GALNT9: variants seen among roughly 807,000 people sequenced by gnomAD.
GALNT9 encodes polypeptide N-acetylgalactosaminyltransferase 9, also known as GalNAc transferase 9.
GALNT9 carries 47 observed loss-of-function variants against 63.1 expected under a neutral mutation model. That is an observed-to-expected ratio of 0.75 (90% confidence interval 0.59 to 0.95). GALNT9 has a LOEUF of 0.95. GALNT9 is among the 40% of genes least tolerant of loss of function. The pLI is 0.00. For missense variants in GALNT9, 829 were observed against 874.8 expected, an observed-to-expected ratio of 0.95 and a Z score of 0.66; for synonymous variants, 396 against 365.7, an observed-to-expected ratio of 1.08 and a Z score of -0.94.
chr12:132,273,861 G>C (rs537560916), intron 2 of GALNT9: 18 of 152,410 alleles, frequency 1.2e-4, no homozygotes, highest in Non-Finnish European at 2.5e-4. Flanking sequence ...GCCCCTCCCA[G>C]GGCCTTGGAG....
chr12:132,233,219 G>C (rs1489468929), intron 6 of GALNT9, among the ~76,000 whole-genome samples: 3 of 22,996 alleles, frequency 1.3e-4, no homozygotes, highest in Admixed American at 4.6e-4. Flanking sequence ...GGAGTCCCTA[G>C]TGCCACACAC....
chr12:132,271,342 G>A (rs1261183943), intron 2 of GALNT9, among the ~76,000 whole-genome samples: 6 of 151,978 alleles, frequency 3.9e-5, no homozygotes, highest in African/African-American at 7.2e-5. Context: ...GCTCCCACCC[G>A]TCACTCTGCC....
intron 2 of GALNT9, among the ~76,000 whole-genome samples, chr12:132,269,375 C>T (rs1472911895): frequency 6.6e-5 from 10 of 152,222 alleles, no homozygotes; most frequent in East Asian, 1.9e-4. Context: ...TTCCGAGGAG[C>T]GGGACCGCCA....
chr12:132,307,036 A>G (rs1048891215), intron 1 of GALNT9, among the ~76,000 whole-genome samples: 6 of 151,866 alleles, frequency 4.0e-5, no homozygotes, highest in African/African-American at 1.5e-4. Flanking sequence ...CTGGGCTGTG[A>G]GGGGACCTGT....
chr12:132,227,767 C>T (rs1011422374), intron 6 of GALNT9, among the ~76,000 whole-genome samples: 6 of 152,048 alleles, frequency 3.9e-5, no homozygotes, highest in African/African-American at 1.2e-4. Context: ...GCTCAGGGTA[C>T]GGAGGCAGCC....
Position 132,310,988 on chromosome 12 carries a change from G to A in GALNT9, c.238+17978C>T, listed in dbSNP as rs782104528. On this transcript the variant is annotated intron_variant, in intron 1 of 10. Transcript: ENST00000328957. This position sits in a 1 kb window ranked among gnomAD's most constrained non-coding sequence, Gnocchi z 4.8. ...CGCTGGCAGCCCAAGACAGGGACTC[G>A]GCCGCAGCTAAAGTTTCCCATAATT... 2.0e-5 allele frequency among the ~76,000 whole-genome samples: 3 copies of A among 152,210 alleles called. No homozygotes were observed. The highest frequency in any genetic ancestry group is 1.9e-4 in the East Asian group (1 of 5,200).
chr12:132,318,809 T>C (rs1555245900), intron 1 of GALNT9, among the ~76,000 whole-genome samples: 1 of 152,230 alleles, frequency 6.6e-6, no homozygotes, highest in Non-Finnish European at 1.5e-5. Context: ...GCCCTGCTCC[T>C]GCCCCAGCCC....
In GALNT9 at chr12:132,196,723, G is replaced by GA. The variant is rs1875528976; in HGVS notation, c.*383dup. On this transcript the variant is annotated 3_prime_UTR_variant, in exon 11 of 11. Coordinates refer to ENST00000328957, the MANE Select transcript of GALNT9 (RefSeq NM_001122636.2). ...TTGGAGCATGGGAGGCCTGCGGGTG[G>GA]AAGACACCAGGGTGCAGCCTGGTGC... The GA allele has an allele frequency of 9.9e-7, 1 of 1,012,412 alleles. No individual in the cohort carries two copies. Among genetic ancestry groups the GA allele is most frequent in the Admixed American group, 5.6e-5 (1 of 17,898 alleles). The allele number at this position is 1,012,412 out of a possible 1,614,324, so 62.7% of individuals were successfully genotyped here.
intron 5 of GALNT9, among the ~76,000 whole-genome samples, chr12:132,248,275 C>G (rs1565999211): frequency 6.6e-6 from 1 of 152,222 alleles, no homozygotes; most frequent in African/African-American, 2.4e-5. Context: ...CAACAGATGA[C>G]AGAACCCGCA....
At chr12:132,202,462 G>A (rs143285408) in intron 7 of GALNT9, among the ~76,000 whole-genome samples, 253 of 152,340 alleles carry the variant, frequency 1.7e-3, no homozygotes, top group African/African-American at 5.5e-3. Flanking sequence ...ACTTCAGGCC[G>A]TGTCACCCAC....
rs1366620116 is a variant in GALNT9 at position 132,252,852 on chromosome 12, C to T, written c.960-4825G>A. 6.6e-6 allele frequency among the ~76,000 whole-genome samples: 1 copy of T among 151,476 alleles called. No homozygotes were observed. The highest frequency in any genetic ancestry group is 1.5e-5 in the Non-Finnish European group (1 of 67,902). On this transcript the variant is annotated intron_variant, in intron 5 of 10. Transcript: ENST00000328957. The surrounding 1 kb of genome is among the most constrained non-coding windows in gnomAD (Gnocchi z 5.2). Reference sequence around the variant, plus strand: ...GAGCCGAGATCGCACCACTGCACTCCAGCCTGGGCAACAACAGCGAAACTG... The same window carrying T: ...GAGCCGAGATCGCACCACTGCACTCTAGCCTGGGCAACAACAGCGAAACTG...
chr12:132,233,064 G>A (rs1478885209), intron 6 of GALNT9, among the ~76,000 whole-genome samples: 4 of 9,156 alleles, frequency 4.4e-4, no homozygotes, highest in Admixed American at 1.4e-3. Context: ...AGGAGACAGC[G>A]TGGAGTCCCT....
rs193020745 is a variant in GALNT9 at position 132,246,442 on chromosome 12, A to C, written c.1077+1468T>G. On this transcript the variant is annotated intron_variant, in intron 6 of 10. Transcript: ENST00000328957. The surrounding 1 kb of genome is among the most constrained non-coding windows in gnomAD (Gnocchi z 4.7). ...CAAAGTGATTAAAAGAAAATAAAAC[A>C]CTATGTTTGTAAGTGCCATTTTTAA... is the stretch of plus-strand genomic sequence containing the variant. Among the ~76,000 whole-genome samples the C allele has an allele frequency of 5.9e-5, 9 of 152,242 alleles. No homozygotes were observed. Among genetic ancestry groups the C allele is most frequent in the Admixed American group, 3.3e-4 (5 of 15,292 alleles).
chr12:132,238,284 C>T lies in GALNT9; in HGVS notation c.1077+9626G>A, dbSNP rs1446815660. Among the ~76,000 whole-genome samples, 6 of 151,876 alleles carry T rather than the reference C, an allele frequency of 4.0e-5. No individual in the cohort carries two copies. The highest frequency in any genetic ancestry group is 5.9e-5 in the Non-Finnish European group (4 of 67,986). On this transcript the variant is annotated intron_variant, in intron 6 of 10. Coordinates refer to ENST00000328957, the MANE Select transcript of GALNT9 (RefSeq NM_001122636.2). This position sits in a 1 kb window ranked among gnomAD's most constrained non-coding sequence, Gnocchi z 6.5. The stretch of plus-strand genomic sequence containing the variant: ...CTGCTGGGTCCCTCACGGCGGAGAC[C>T]GAGGACTCCCCTTTGCAGGTAGCTC...
chr12:132,271,682 TG>T (rs1479341851), intron 2 of GALNT9, among the ~76,000 whole-genome samples: 1 of 152,174 alleles, frequency 6.6e-6, no homozygotes, highest in African/African-American at 2.4e-5. Flanking sequence ...TGCTCCGGCA[TG>T]GGGTCTGTAA....
intron 2 of GALNT9, among the ~76,000 whole-genome samples, chr12:132,266,692 T>C (rs1025615695): frequency 6.6e-6 from 1 of 152,204 alleles, no homozygotes; most frequent in African/African-American, 2.4e-5. Context: ...TTCACATTGT[T>C]GGAAGCCACC....
intron 9 of GALNT9, among the ~76,000 whole-genome samples, chr12:132,198,555 C>CT (rs397958117): frequency 7.8e-5 from 1 of 12,744 alleles, no homozygotes; most frequent in African/African-American, 3.5e-4. Context: ...TCCCACACTT[C>CT]GCTTCAATCA....
chr12:132,201,327 G>T (rs1217658161), intron 7 of GALNT9, 66 bp from the exon 8 acceptor site: 7 of 1,119,224 alleles, frequency 6.3e-6, no homozygotes, highest in Non-Finnish European at 8.0e-6. Flanking sequence ...TCCCCATAAT[G>T]AGGTTGGGGG....
rs943731255 is a variant in GALNT9 at position 132,316,315 on chromosome 12, G to A, written c.238+12651C>T. Among the ~76,000 whole-genome samples, 4 of 151,972 alleles carry A rather than the reference G, an allele frequency of 2.6e-5. No individual in the cohort carries two copies. The highest frequency in any genetic ancestry group is 1.9e-4 in the East Asian group (1 of 5,172). ...GGGTTCTTCCCCAGCCCGACCCCAC[G>A]TCCCCATTTCACGATGCATTTTTAT... On this transcript the variant is annotated intron_variant, in intron 1 of 10. Transcript: ENST00000328957. This position sits in a 1 kb window ranked among gnomAD's most constrained non-coding sequence, Gnocchi z 4.3.
Sources: gnomAD v4.1 joint callset for allele counts (sites outside exome capture counted in the v4.1 genomes callset) on GRCh38, gnomAD v4.1.1 for gene constraint, Gnocchi (gnomAD v3.1) non-coding constraint, MANE v1.5 for transcripts, NCBI Gene and HGNC (gene_info 2026-07-23, HGNC 2026-07-21) for gene names.